The following OGG1 variants were observed in gnomAD, a reference collection of about 807,000 sequenced individuals.
OGG1 encodes N-glycosylase/DNA lyase.
A neutral mutation model predicts 42.3 loss-of-function variants in OGG1; 35 were observed. The ratio of observed to expected loss-of-function variants is 0.83; its 90% CI spans 0.63 to 1.10. The LOEUF is 1.10. Ranked by LOEUF, OGG1 falls within the 50% of genes least tolerant of loss-of-function variation. The pLI is 0.00. For synonymous variants in OGG1, 189 were observed against 179.0 expected, an observed-to-expected ratio of 1.06 and a Z score of -0.44; for missense variants, 484 against 446.7, an observed-to-expected ratio of 1.08 and a Z score of -0.75.
chr3:9,755,848 A>G (rs1040098683), intron 4 of OGG1, among the ~76,000 whole-genome samples: 3 of 152,034 alleles, frequency 2.0e-5, no homozygotes, highest in Non-Finnish European at 4.4e-5. Flanking sequence ...ACAGCCTAAC[A>G]TTAAATCTTG....
intron 2 of OGG1, among the ~76,000 whole-genome samples, chr3:9,780,956 T>C (rs975552503): frequency 2.0e-5 from 3 of 151,962 alleles, no homozygotes; most frequent in East Asian, 1.9e-4. Context: ...CTGAGCAACA[T>C]AGTGAGACTG....
chr3:9,789,412 G>A (rs1454776270), downstream of OGG1: 3 of 1,147,540 alleles, frequency 2.6e-6, no homozygotes, highest in Admixed American at 6.7e-5. Context: ...GCAGGGTTGG[G>A]GAAGGAAGAT....
At chr3:9,761,626 C>T (rs370403231), downstream of OGG1, 15 of 1,614,008 alleles carry the variant, frequency 9.3e-6, no homozygotes, top group Admixed American at 1.7e-5. Flanking sequence ...CAGGGCCCTC[C>T]GCACCCACGT....
At chr3:9,755,522 G>T (rs1206330251) in intron 4 of OGG1, among the ~76,000 whole-genome samples, 7 of 148,734 alleles carry the variant, frequency 4.7e-5, no homozygotes, top group African/African-American at 1.7e-4. Flanking sequence ...GGAGTGCAGT[G>T]GTGCAATCTC....
downstream of OGG1, chr3:9,767,765 G>A (rs560364655): frequency 1.5e-5 from 25 of 1,613,560 alleles, no homozygotes; most frequent in East Asian, 2.2e-5. Flanking sequence ...ACTGCCCCCC[G>A]ACCACAGCCA....
exon 8 of OGG1, chr3:9,766,317 G>A (rs2078150140): frequency 2.9e-6 from 2 of 694,394 alleles, no homozygotes; most frequent in African/African-American, 1.8e-5. Context: ...CATGCCTGAG[G>A]TCTACCCCTG....
downstream of OGG1, chr3:9,790,007 A>C (rs761517024): frequency 3.2e-6 from 5 of 1,539,172 alleles, no homozygotes; most frequent in South Asian, 3.8e-5. Flanking sequence ...AAGGGAAAAC[A>C]CAGAATATCT....
At chr3:9,786,295 C>T (rs916208722) in intron 3 of OGG1, among the ~76,000 whole-genome samples, 1 of 152,152 alleles carries the variant, frequency 6.6e-6, no homozygotes, top group Non-Finnish European at 1.5e-5. Context: ...TGACCTTGTG[C>T]AGACTGCAAG....
At chr3:9,759,735 C>T (rs139097636), downstream of OGG1, 31 of 1,613,982 alleles carry the variant, frequency 1.9e-5, no homozygotes, top group Admixed American at 6.7e-5. Context: ...CATCAAGTGC[C>T]GGATGAAATC....
downstream of OGG1, chr3:9,758,403 G>C (rs1246522146): frequency 6.5e-6 from 1 of 154,548 alleles, no homozygotes; most frequent in Non-Finnish European, 1.4e-5. Flanking sequence ...TCTGTTCCCA[G>C]CCACAGTCTT....
chr3:9,760,811 C>T (rs373417826), downstream of OGG1: 84 of 1,611,352 alleles, frequency 5.2e-5, 1 homozygote, highest in African/African-American at 8.5e-4. Context: ...TTTCGGGTGC[C>T]GTTGGCTCCG....
In OGG1 at chr3:9,750,173, C is replaced by A; in HGVS notation, c.-114C>A. On this transcript the variant is annotated 5_prime_UTR_variant, in exon 1 of 7. Transcript: ENST00000344629. ...AAACAGGGAAGGTTGTTAAACAGCA[C>A]CGTGTGGGCGAGGCCTTAAGGGTCG... is the stretch of plus-strand genomic sequence containing the variant. The A allele has an allele frequency of 7.5e-7, 1 of 1,332,612 alleles. No homozygotes were observed. Among genetic ancestry groups the A allele is most frequent in the Non-Finnish European group, 1.0e-6 (1 of 975,672 alleles). The allele number at this position is 1,332,612 out of a possible 1,614,324, so 82.5% of individuals were successfully genotyped here.
At chr3:9,758,435 T>C (rs2077690198), downstream of OGG1, 1 of 154,384 alleles carries the variant, frequency 6.5e-6, no homozygotes, top group Non-Finnish European at 1.4e-5. Flanking sequence ...TGACATCTCT[T>C]TCCCCCAACA....
downstream of OGG1, chr3:9,761,356 G>T: frequency 8.8e-7 from 1 of 1,137,002 alleles, no homozygotes; most frequent in Non-Finnish European, 1.3e-6. Context: ...GGAAGGGAGG[G>T]AGGGAAGGAA....
chr3:9,775,682 C>G (rs2078355338), intron 2 of OGG1, among the ~76,000 whole-genome samples: 1 of 151,946 alleles, frequency 6.6e-6, no homozygotes, highest in East Asian at 1.9e-4. Context: ...CTCTGTCGCC[C>G]AGGCTTGAGT....
Position 9,780,469 on chromosome 3 carries a change from C to T in OGG1, c.295-1044C>T, listed in dbSNP as rs1383875900. The T allele has an allele frequency of 4.3e-6, 7 of 1,611,598 alleles. No individual in the cohort carries two copies. The Admixed American group carries it at 6.7e-5, about 15-fold the overall frequency. On this transcript the variant is annotated intron_variant, in intron 2 of 3. Transcript: ENST00000426518. Reference sequence around the variant, plus strand: ...CTTCTGCCGGGCAGCCATGATCTTGCGAAAGGCGTCCATGACCTCGTTGTC... The same window carrying T: ...CTTCTGCCGGGCAGCCATGATCTTGTGAAAGGCGTCCATGACCTCGTTGTC...
chr3:9,750,679 G>T (rs771621801), intron 1 of OGG1: 6 of 691,378 alleles, frequency 8.7e-6, no homozygotes, highest in Non-Finnish European at 1.2e-5. Context: ...TCGCTCTGTT[G>T]CCCAGGTAGG....
chr3:9,760,912 C>A (rs112601810), downstream of OGG1: 12 of 1,239,286 alleles, frequency 9.7e-6, no homozygotes, highest in South Asian at 1.6e-4. Flanking sequence ...CCTGCTCACT[C>A]CTGTTCTAGC....
At chr3:9,773,465 C>T (rs978223975) in intron 2 of OGG1, among the ~76,000 whole-genome samples, 3 of 151,928 alleles carry the variant, frequency 2.0e-5, no homozygotes, top group African/African-American at 2.4e-5. Flanking sequence ...GGCGTGGACC[C>T]GGGAGGCAGA....
Sources: gnomAD v4.1 joint callset for allele counts (sites outside exome capture counted in the v4.1 genomes callset) on GRCh38, gnomAD v4.1.1 for gene constraint, MANE v1.5 for transcripts, NCBI Gene and HGNC (gene_info 2026-07-23, HGNC 2026-07-21) for gene names.